GAS7: variants seen among roughly 807,000 people sequenced by gnomAD.
GAS7 encodes growth arrest-specific protein 7.
A neutral mutation model predicts 71.1 loss-of-function variants in GAS7; 28 were observed. The observed-to-expected ratio is 0.39, with a 90% CI of 0.29 to 0.54. The LOEUF (loss-of-function observed/expected upper bound fraction) is 0.54, where lower values mean the gene tolerates loss of function less well. GAS7 is among the 20% of genes least tolerant of loss of function. The probability of loss-of-function intolerance (pLI) is 0.62; values close to 1 mark genes in which losing one functional copy is unlikely to be tolerated. For missense variants in GAS7, 436 were observed against 627.8 expected, an observed-to-expected ratio of 0.69 and a Z score of 3.27; for synonymous variants, 258 against 245.8, an observed-to-expected ratio of 1.05 and a Z score of -0.46.
Position 10,034,684 on chromosome 17 carries a change from T to C in GAS7, c.184-14787A>G, listed in dbSNP as rs1438839631. ...TTTAATAGGAGAAAAAAAGTCACAT[T>C]CAAGTGTAGACATGGGCATCATGTC... On this transcript the variant is annotated intron_variant, in intron 1 of 13. Coordinates refer to ENST00000432992, the MANE Select transcript of GAS7 (RefSeq NM_201433.2). The surrounding 1 kb of genome is among the most constrained non-coding windows in gnomAD (Gnocchi z 4.4). Among the ~76,000 whole-genome samples, 1 of 152,172 alleles carries C rather than the reference T, an allele frequency of 6.6e-6. No homozygotes were observed. The highest frequency in any genetic ancestry group is 1.5e-5 in the Non-Finnish European group (1 of 68,032).
intron 3 of GAS7, among the ~76,000 whole-genome samples, chr17:9,978,787 T>A (rs961629535): frequency 6.6e-6 from 1 of 152,220 alleles, no homozygotes; most frequent in Non-Finnish European, 1.5e-5. Flanking sequence ...CTCTTCATGC[T>A]GACGTAGGGA....
chr17:9,967,123 T>A (rs1474469807), intron 4 of GAS7, among the ~76,000 whole-genome samples: 1 of 151,118 alleles, frequency 6.6e-6, no homozygotes, highest in Non-Finnish European at 1.5e-5. Flanking sequence ...GGCCTGCATC[T>A]CCAGAGCTCG....
At chr17:10,136,291 T>C (rs935635213) in intron 1 of GAS7, among the ~76,000 whole-genome samples, 9 of 152,134 alleles carry the variant, frequency 5.9e-5, no homozygotes, top group African/African-American at 2.2e-4. Flanking sequence ...TGTTTCTGGG[T>C]TGGGCCTCAG....
In GAS7 at chr17:10,026,180, C is replaced by G; in HGVS notation, c.184-6283G>C. Reference sequence around the variant, plus strand: ...CCTAAAGCCGTGAGCAAACGCTACTCGCTGGTGTTAATGGGTGGTCGTCAG... The same window carrying G: ...CCTAAAGCCGTGAGCAAACGCTACTGGCTGGTGTTAATGGGTGGTCGTCAG... On this transcript the variant is annotated intron_variant, in intron 1 of 13. Transcript: ENST00000432992. The surrounding 1 kb of genome is among the most constrained non-coding windows in gnomAD (Gnocchi z 4.5). 1 of 985,414 alleles carries G rather than the reference C, an allele frequency of 1.0e-6. No individual in the cohort carries two copies. Among genetic ancestry groups the G allele is most frequent in the Non-Finnish European group, 1.2e-6 (1 of 829,942 alleles). 61.0% of individuals were successfully genotyped at this position (985,414 alleles called of 1,614,324 possible).
intron 1 of GAS7, among the ~76,000 whole-genome samples, chr17:10,182,273 C>A (rs1435140718): frequency 1.3e-5 from 2 of 152,148 alleles, no homozygotes; most frequent in Non-Finnish European, 2.9e-5. Context: ...GATTCTCCTG[C>A]CTCAGCCTCC....
Position 9,925,497 on chromosome 17 carries a change from G to A in GAS7, c.1117C>T (p.Arg373Trp), listed in dbSNP as rs1349126457. Residue 373 changes from arginine (R) to tryptophan (W), a missense_variant, in exon 11 of 14, where the codon CGG (arginine) becomes TGG (tryptophan). By Grantham distance (101) the Arg-to-Trp change is moderately radical (BLOSUM62 -3). Transcript: ENST00000432992. ...NKTEEDIKKA[R>W]RKSTQAGDDL... Reference sequence around the variant, plus strand: ...TTACCAGCCTGTGTGGACTTTCTCCGCGCCTTCTTGATGTCCTCCTCTGTC... The same window carrying A: ...TTACCAGCCTGTGTGGACTTTCTCCACGCCTTCTTGATGTCCTCCTCTGTC... The A allele has an allele frequency of 4.3e-6, 7 of 1,614,132 alleles. No individual in the cohort carries two copies. Among genetic ancestry groups the A allele is most frequent in the Non-Finnish European group, 5.9e-6 (7 of 1,180,008 alleles).
chr17:9,919,690 C>T lies in GAS7; in HGVS notation c.1154G>A (p.Arg385His). The part of the protein sequence containing the change: ...KSTQAGDDLM[R>H]CVDLYNQAQS... ...GGCCTGGTTGTAGAGATCCACACAGCGCATGAGGTCGTCTCCTGGAAAAAG... is the reference window on the plus strand; with the variant it reads ...GGCCTGGTTGTAGAGATCCACACAGTGCATGAGGTCGTCTCCTGGAAAAAG... Residue 385 changes from arginine to histidine, a missense_variant, in exon 12 of 14, where the codon CGC becomes CAC. By Grantham distance (29) the Arg-to-His change is conservative. Transcript: ENST00000432992. This position sits in a 1 kb window ranked among gnomAD's most constrained non-coding sequence, Gnocchi z 5.0. 1.2e-6 allele frequency: 2 copies of T among 1,612,944 alleles called. No homozygotes were observed. The highest frequency in any genetic ancestry group is 1.7e-6 in the Non-Finnish European group (2 of 1,178,918).
rs2069376729 is a variant in GAS7 at position 9,959,223 on chromosome 17, C to T, written c.504G>A (p.Gln168=). 1 of 1,614,072 alleles carries T rather than the reference C, an allele frequency of 6.2e-7. No homozygotes were observed. The highest frequency in any genetic ancestry group is 8.5e-7 in the Non-Finnish European group (1 of 1,180,014). ...NLGSSSPSKK[Q]SKENTITINC... Reference sequence around the variant, plus strand: ...TTACTGTGATGGTGTTTTCCTTGCTCTGCTTTTTGCTTGGCGATGAGGATC... The same window carrying T: ...TTACTGTGATGGTGTTTTCCTTGCTTTGCTTTTTGCTTGGCGATGAGGATC... Residue 168 remains glutamine, a synonymous_variant, in exon 5 of 14, where the codon CAG becomes CAA. Coordinates refer to ENST00000432992, the MANE Select transcript of GAS7 (RefSeq NM_201433.2). This position sits in a 1 kb window ranked among gnomAD's most constrained non-coding sequence, Gnocchi z 5.0.
chr17:9,963,440 T>C (rs2069580793), intron 4 of GAS7, among the ~76,000 whole-genome samples: 1 of 152,164 alleles, frequency 6.6e-6, no homozygotes, highest in South Asian at 2.1e-4. Context: ...TGTATGGGTA[T>C]GTGAATTACA....
At chr17:10,048,027 C>T (rs1221222013) in intron 1 of GAS7, among the ~76,000 whole-genome samples, 6 of 152,124 alleles carry the variant, frequency 3.9e-5, no homozygotes, top group East Asian at 1.9e-4. Flanking sequence ...ATAGGCCAGG[C>T]GCGGTGACTC....
chr17:10,038,439 G>C (rs746032742), intron 1 of GAS7, among the ~76,000 whole-genome samples: 15 of 152,164 alleles, frequency 9.9e-5, no homozygotes, highest in Admixed American at 4.6e-4. Flanking sequence ...TGCCCTTCTG[G>C]TGGGAATGTA....
intron 1 of GAS7, among the ~76,000 whole-genome samples, chr17:10,168,528 T>C (rs1410653411): frequency 6.6e-6 from 1 of 152,194 alleles, no homozygotes; most frequent in East Asian, 1.9e-4. Context: ...TGTATGTCTG[T>C]TTACGTACTG....
intron 7 of GAS7, among the ~76,000 whole-genome samples, chr17:9,940,682 C>A (rs980425201): frequency 6.6e-6 from 1 of 152,214 alleles, no homozygotes; most frequent in Non-Finnish European, 1.5e-5. Context: ...ACCCCCAATG[C>A]CTCTGATTGT....
chr17:9,930,632 C>A (rs966946308), intron 9 of GAS7, among the ~76,000 whole-genome samples: 3 of 152,170 alleles, frequency 2.0e-5, no homozygotes, highest in African/African-American at 7.2e-5. Context: ...ACCAGAAAAA[C>A]CACAAAAATT....
chr17:10,032,239 C>T (rs1020146712), intron 1 of GAS7, among the ~76,000 whole-genome samples: 1 of 152,114 alleles, frequency 6.6e-6, no homozygotes, highest in African/African-American at 2.4e-5. Context: ...CCGGTTCCAG[C>T]TTCTGGATTC....
chr17:10,034,142 G>A lies in GAS7; in HGVS notation c.184-14245C>T. 1 of 985,238 alleles carries A rather than the reference G, an allele frequency of 1.0e-6. No homozygotes were observed. Among genetic ancestry groups the A allele is most frequent in the African/African-American group, 1.7e-5 (1 of 57,332 alleles). 61.0% of individuals were successfully genotyped at this position (985,238 alleles called of 1,614,324 possible). On this transcript the variant is annotated intron_variant, in intron 1 of 13. Transcript: ENST00000432992. The surrounding 1 kb of genome is among the most constrained non-coding windows in gnomAD (Gnocchi z 4.4). ...TCTGTGCCACCGTGCGAAGAACACA[G>A]GATGGGAATCGGAGCTGGTAAAGCT...
intron 1 of GAS7, chr17:10,036,516 A>T: frequency 1.2e-6 from 2 of 1,608,602 alleles, no homozygotes; most frequent in Non-Finnish European, 1.7e-6. Context: ...CAGACTCAGC[A>T]CCAAGACTCC....
At chr17:10,059,037 C>T (rs1377271793) in intron 1 of GAS7, among the ~76,000 whole-genome samples, 1 of 152,210 alleles carries the variant, frequency 6.6e-6, no homozygotes, top group African/African-American at 2.4e-5. Context: ...CTGTTGTGTA[C>T]ACCCACACGC....
In GAS7 at chr17:9,919,621, C is replaced by T. The variant is rs749697570; in HGVS notation, c.1218+5G>A. The T allele has an allele frequency of 2.5e-6, 4 of 1,606,830 alleles. No individual in the cohort carries two copies. Among genetic ancestry groups the T allele is most frequent in the Admixed American group, 1.7e-5 (1 of 60,006 alleles). ...TGCCATGTCCACACATCCCTGCCCG[C>T]TTACCAATGTGGTGGTCACCATCTC... On this transcript the variant is annotated splice_donor_5th_base_variant and intron_variant, in intron 12 of 13. Transcript: ENST00000432992. This position sits in a 1 kb window ranked among gnomAD's most constrained non-coding sequence, Gnocchi z 5.0.
Sources: allele counts gnomAD v4.1 joint callset (sites outside exome capture counted in the v4.1 genomes callset), GRCh38; gene constraint gnomAD v4.1.1; non-coding constraint Gnocchi (gnomAD v3.1); transcripts MANE v1.5; gene names NCBI Gene and HGNC (gene_info 2026-07-23, HGNC 2026-07-21).